The following TSC2 variants were observed in gnomAD, a reference collection of about 807,000 sequenced individuals.
TSC2 encodes TSC complex subunit 2, also known as tuberin.
TSC2 carries 29 observed loss-of-function variants against 202.2 expected under a neutral mutation model. The ratio of observed to expected loss-of-function variants is 0.14; its 90% CI spans 0.11 to 0.20. The LOEUF is 0.20. TSC2 is among the 10% of genes least tolerant of loss of function. The pLI is 1.00. For missense variants in TSC2, 2,429 were observed against 2,420.0 expected (o/e 1.00, Z -0.08); for synonymous variants, 1,349 against 1,044.0 (o/e 1.29, Z -5.63).
chr16:2,072,046 C>T, intron 19 of TSC2, 112 bp downstream of exon 19: 7 of 1,479,874 alleles, frequency 4.7e-6, no homozygotes, highest in South Asian at 1.3e-5. Flanking sequence ...GGCAGCCCTC[C>T]CTCAGAGCTG....
intron 15 of TSC2, chr16:2,065,229 C>T (rs1417890841): frequency 4.3e-5 from 16 of 376,296 alleles, no homozygotes; most frequent in Non-Finnish European, 7.1e-5. Context: ...CTGGCTAACA[C>T]GGTGAAACCC....
At chr16:2,068,998 A>G (rs906754528) in intron 16 of TSC2, among the ~76,000 whole-genome samples, 2 of 151,762 alleles carry the variant, frequency 1.3e-5, no homozygotes, top group African/African-American at 4.8e-5. Flanking sequence ...AGGAGGAAGG[A>G]GAGGAGACAC....
At position 2,088,576 on chromosome 16, in the gene TSC2, TCTC is replaced by T. The variant is rs796053480; in HGVS notation, c.5394_5396del (p.Ser1799del). 14 of 1,608,830 alleles carry T rather than the reference TCTC, an allele frequency of 8.7e-6. No individual in the cohort carries two copies. Among genetic ancestry groups the T allele is most frequent in the African/African-American group, 2.7e-5 (2 of 74,898 alleles). On this transcript the variant is annotated inframe_deletion, in exon 42 of 42. Transcript: ENST00000219476. ...GAGGTGGGCCAGCGGAAGCGCCTCA[TCTC>T]CTCGGTGGAGGACTTCACCGAGTTT...
At position 2,088,489 on chromosome 16, in the gene TSC2, T is replaced by C. The variant is rs1171556696; in HGVS notation, c.5303T>C (p.Val1768Ala). The change falls in exon 42 of 42, where the codon GTG becomes GCG. Residue 1768 changes from valine to alanine, a missense_variant. Val to Ala is a moderately conservative substitution (Grantham distance 64). Transcript: ENST00000219476. ...AAYSNPSLPLVHPPSHSKAPA... is the reference protein window; with the variant it reads ...AAYSNPSLPLAHPPSHSKAPA... ...TACTCCAACCCCAGCCTACCTCTGG[T>C]GCACCCTCCGTCCCATAGCAAAGCC... The C allele has an allele frequency of 1.2e-6, 2 of 1,612,788 alleles. No homozygotes were observed. Among genetic ancestry groups the C allele is most frequent in the South Asian group, 1.1e-5 (1 of 91,072 alleles).
chr16:2,073,791 C>T (rs1311778683), intron 21 of TSC2, among the ~76,000 whole-genome samples: 2 of 152,218 alleles, frequency 1.3e-5, no homozygotes, highest in African/African-American at 4.8e-5. Flanking sequence ...CGGGACACTG[C>T]CTGGCAGGCC....
At chr16:2,062,812 G>C in intron 13 of TSC2, 160 bp from the exon 14 acceptor site, 1 of 946,846 alleles carries the variant, frequency 1.1e-6, no homozygotes, top group Non-Finnish European at 1.6e-6. Context: ...TCTTTTCGGG[G>C]GTCGTCTGGA....
Position 2,066,818 on chromosome 16 carries a change from A to G in TSC2, c.1716+1183A>G, listed in dbSNP as rs114003009. 3.4e-3 allele frequency among the ~76,000 whole-genome samples: 511 copies of G among 149,630 alleles called. 3 individuals carry two copies. The highest frequency in any genetic ancestry group is 0.012 in the African/African-American group (472 of 40,658). ...TCGTATTACAGGCACCTGCCAACAT[A>G]CTCGGCTAATTTTTTGTATTATTAG... On this transcript the variant is annotated intron_variant, in intron 16 of 41. Coordinates refer to ENST00000219476, the MANE Select transcript of TSC2 (RefSeq NM_000548.5).
rs776930735 is a variant in TSC2, at chr16:2,074,242, T to C, written c.2398T>C (p.Cys800Arg). Residue 800 changes from cysteine (C) to arginine (R), a missense_variant, in exon 22 of 42, where the codon TGT becomes CGT. By Grantham distance (180) the Cys-to-Arg change is radical. Coordinates refer to ENST00000219476, the MANE Select transcript of TSC2 (RefSeq NM_000548.5). ...YCLEQGLIHRCASQCVVALSI... is the reference protein window; with the variant it reads ...YCLEQGLIHRRASQCVVALSI... ...CCTGGAGCAGGGCCTCATCCACCGC[T>C]GTGCCAGCCAGTGCGTCGTGGCCTT... is the stretch of plus-strand genomic sequence containing the variant. 1.2e-6 allele frequency: 2 copies of C among 1,612,526 alleles called. No homozygotes were observed. The highest frequency in any genetic ancestry group is 2.2e-5 in the East Asian group (1 of 44,888).
chr16:2,076,812 G>A (rs1402855031), intron 25 of TSC2: 1 of 574,472 alleles, frequency 1.7e-6, no homozygotes, highest in East Asian at 2.9e-5. Context: ...GCACCTACTT[G>A]TGGAATTGGG....
chr16:2,061,431 G>A (rs146517717), intron 11 of TSC2: 10 of 324,870 alleles, frequency 3.1e-5, no homozygotes, highest in Middle Eastern at 1.1e-3. Flanking sequence ...TGGTGGCAGT[G>A]GCAGAGGTCA....
intron 4 of TSC2, chr16:2,053,686 G>T: frequency 3.1e-6 from 2 of 655,380 alleles, no homozygotes; most frequent in Non-Finnish European, 5.6e-6. Flanking sequence ...TTCCTCTTAT[G>T]GGATGTTCTG....
rs147683438 is a variant in TSC2 at position 2,074,364 on chromosome 16, C to A, written c.2520C>A (p.Ala840=). ...ACATCTCAGCCACAGCCAGCATGGC[C>A]GTCCCACTGCTGGAGTTCCTGTCCA... ...LTHISATASM[A]VPLLEFLSTL... The change falls in exon 22 of 42, where the codon GCC becomes GCA. Residue 840 remains alanine, a synonymous_variant. Coordinates refer to ENST00000219476, the MANE Select transcript of TSC2 (RefSeq NM_000548.5). The A allele has an allele frequency of 6.2e-7, 1 of 1,611,888 alleles. No individual in the cohort carries two copies. Among genetic ancestry groups the A allele is most frequent in the South Asian group, 1.1e-5 (1 of 91,080 alleles).
rs397514929 is a variant in TSC2, at chr16:2,064,335, C to G, written c.1507C>G (p.Gln503Glu). The stretch of plus-strand genomic sequence containing the variant: ...CCACATCCCCGAGGATAAAGACCAC[C>G]AGGTCCGAAAGCTGGCCACCCAGTT... ...LSHIPEDKDH[Q>E]VRKLATQLLV... is the part of the protein sequence containing the mutation. Residue 503 changes from glutamine to glutamate, a missense_variant, in exon 15 of 42, where the codon CAG becomes GAG. Coordinates refer to ENST00000219476, the MANE Select transcript of TSC2 (RefSeq NM_000548.5). 1 of 1,613,876 alleles carries G rather than the reference C, an allele frequency of 6.2e-7. No homozygotes were observed. Among genetic ancestry groups the G allele is most frequent in the Non-Finnish European group, 8.5e-7 (1 of 1,180,034 alleles).
At chr16:2,072,138 G>C in intron 19 of TSC2, 103 bp from the exon 20 acceptor site, 1 of 1,593,784 alleles carries the variant, frequency 6.3e-7, no homozygotes. Flanking sequence ...GGGCTCCATA[G>C]CCCTTGACGC....
At chr16:2,056,496 G>A (rs1411949535) in intron 7 of TSC2, 148 bp from the exon 8 acceptor site, 23 of 1,279,740 alleles carry the variant, frequency 1.8e-5, no homozygotes, top group East Asian at 1.0e-4. Context: ...CCACATGCCC[G>A]CTTGCCCTGT....
intron 3 of TSC2, among the ~76,000 whole-genome samples, chr16:2,050,915 T>C (rs2085030247): frequency 6.6e-6 from 1 of 152,008 alleles, no homozygotes; most frequent in African/African-American, 2.4e-5. Context: ...GGAATTTAGC[T>C]TTCATCGTAG....
chr16:2,073,818 T>C (rs1416379667), intron 21 of TSC2, among the ~76,000 whole-genome samples: 2 of 152,280 alleles, frequency 1.3e-5, no homozygotes, highest in Non-Finnish European at 2.9e-5. Flanking sequence ...CCCCGGGCTC[T>C]GCCTGAGCTC....
intron 30 of TSC2, 50 bp downstream of exon 30, chr16:2,080,427 G>A (rs1335127052): frequency 1.2e-6 from 2 of 1,601,166 alleles, no homozygotes; most frequent in Non-Finnish European, 1.7e-6. Flanking sequence ...GTCACCCACA[G>A]AGCTGTGGAC....
At chr16:2,054,803 G>A in intron 5 of TSC2, 2 of 384,932 alleles carry the variant, frequency 5.2e-6, no homozygotes, top group Middle Eastern at 8.3e-4. Flanking sequence ...TCTCCACTTT[G>A]TGGACCTTCC....
Sources: allele counts gnomAD v4.1 joint callset (sites outside exome capture counted in the v4.1 genomes callset), GRCh38; gene constraint gnomAD v4.1.1; transcripts MANE v1.5; gene names NCBI Gene and HGNC (gene_info 2026-07-23, HGNC 2026-07-21).